FSTL1: variants seen among roughly 807,000 people sequenced by gnomAD.
FSTL1 encodes follistatin like 1, also known as follistatin-related protein 1.
In FSTL1, 24 loss-of-function variants were observed where a neutral mutation model predicts 45.9. The ratio of observed to expected loss-of-function variants is 0.52; its 90% CI spans 0.38 to 0.74. FSTL1 has a LOEUF of 0.74. FSTL1 is among the 30% of genes least tolerant of loss of function. The pLI is 0.00. For missense variants in FSTL1, 340 were observed against 381.8 expected (o/e 0.89, Z 0.91); for synonymous variants, 120 against 137.6 (o/e 0.87, Z 0.89).
rs1184020203 is a variant in FSTL1, at chr3:120,402,851, G to A, written c.762C>T (p.Val254=). Residue 254 remains valine (V), a synonymous_variant, in exon 9 of 11, where the codon GTC becomes GTT. Transcript: ENST00000295633. ...AETEVDCNRC[V]CACGNWVCTA... ...TACAGACCCAATTTCCACAGGCACA[G>A]ACACAGCGGTTACAGTCCACCTCGG... is the stretch of plus-strand genomic sequence containing the variant. 1.2e-6 allele frequency: 2 copies of A among 1,613,260 alleles called. No homozygotes were observed. The highest frequency in any genetic ancestry group is 1.7e-6 in the Non-Finnish European group (2 of 1,179,286).
intron 7 of FSTL1, among the ~76,000 whole-genome samples, chr3:120,403,879 C>CCA (rs1487487063): frequency 1.4e-5 from 2 of 140,212 alleles, no homozygotes; most frequent in African/African-American, 5.5e-5. Context: ...CGAGATCCCG[C>CCA]CACTGCACTC....
intron 2 of FSTL1, among the ~76,000 whole-genome samples, chr3:120,429,505 A>C (rs1937441391): frequency 6.6e-6 from 1 of 152,152 alleles, no homozygotes; most frequent in Non-Finnish European, 1.5e-5. Context: ...GGGATGGGAA[A>C]ATTTGTGGTT....
At chr3:120,431,223 G>A (rs56929137) in intron 2 of FSTL1, among the ~76,000 whole-genome samples, 8,689 of 152,098 alleles carry the variant, frequency 0.057, 282 homozygotes, top group Middle Eastern at 0.071. Context: ...CCACCACCTC[G>A]GTCTCCCAAA....
chr3:120,441,552 A>T (rs1284840536), intron 2 of FSTL1: 1 of 152,268 alleles, frequency 6.6e-6, no homozygotes, highest in Non-Finnish European at 1.5e-5. Flanking sequence ...TTCTCTTTAA[A>T]AAAGAAGGTG....
In FSTL1 at chr3:120,396,932, C is replaced by A. The variant is rs1339771962; in HGVS notation, c.*20G>T. On this transcript the variant is annotated 3_prime_UTR_variant, in exon 11 of 11. Coordinates refer to ENST00000295633, the MANE Select transcript of FSTL1 (RefSeq NM_007085.5). ...AGTGGAGAAGATGCTGGGATCCAGA[C>A]ACTGGTCTGTGCCTCCTCATTAGAT... The A allele has an allele frequency of 1.3e-6, 2 of 1,587,496 alleles. No individual in the cohort carries two copies. Among genetic ancestry groups the A allele is most frequent in the African/African-American group, 2.7e-5 (2 of 74,334 alleles).
At chr3:120,447,307 GAA>G (rs777473057) in intron 2 of FSTL1, among the ~76,000 whole-genome samples, 2 of 152,202 alleles carry the variant, frequency 1.3e-5, no homozygotes, top group African/African-American at 4.8e-5. Flanking sequence ...TCTCCCCAGA[GAA>G]TCTAGAAAAG....
At chr3:120,411,794 G>A (rs1223380906) in intron 4 of FSTL1, 60 bp downstream of exon 4, 2 of 1,508,200 alleles carry the variant, frequency 1.3e-6, no homozygotes, top group East Asian at 2.3e-5. Flanking sequence ...AGGCCACACT[G>A]CTCTGTTCCT....
chr3:120,426,846 G>A (rs1447122829), intron 2 of FSTL1, among the ~76,000 whole-genome samples: 10 of 152,054 alleles, frequency 6.6e-5, no homozygotes, highest in African/African-American at 2.2e-4. Flanking sequence ...ATGTAGCCTC[G>A]AGATCTGTGG....
intron 3 of FSTL1, among the ~76,000 whole-genome samples, chr3:120,414,695 A>G (rs889304481): frequency 6.6e-6 from 1 of 151,612 alleles, no homozygotes; most frequent in Admixed American, 6.6e-5. Flanking sequence ...CCTTACCCCC[A>G]ACCCTGTGCT....
Position 120,415,932 on chromosome 3 carries a change from G to C in FSTL1, c.159C>G (p.Leu53=). 6.2e-7 allele frequency: 1 copy of C among 1,607,998 alleles called. No individual in the cohort carries two copies. Among genetic ancestry groups the C allele is most frequent in the Non-Finnish European group, 8.5e-7 (1 of 1,174,428 alleles). Reference sequence around the variant, plus strand: ...CGACATCAGGACTTACCTCAATGCAGAGACAGGTGGGTTCCCCTTTCTCTG... The same window carrying C: ...CGACATCAGGACTTACCTCAATGCACAGACAGGTGGGTTCCCCTTTCTCTG... ...AVTEKGEPTC[L]CIEQCKPHKR... The change falls in exon 3 of 11, where the codon CTC becomes CTG. Residue 53 remains leucine, a synonymous_variant. Coordinates refer to ENST00000295633, the MANE Select transcript of FSTL1 (RefSeq NM_007085.5).
At chr3:120,404,417 C>A (rs573877708) in intron 7 of FSTL1, among the ~76,000 whole-genome samples, 1 of 152,074 alleles carries the variant, frequency 6.6e-6, no homozygotes, top group East Asian at 1.9e-4. Flanking sequence ...TAAAAGTAGA[C>A]GGGCATATAT....
rs189184922 is a variant in FSTL1, at chr3:120,426,618, C to A, written c.64-10591G>T. Among the ~76,000 whole-genome samples, 65 of 152,228 alleles carry A rather than the reference C, an allele frequency of 4.3e-4. 2 individuals are homozygous for A. The highest frequency in any genetic ancestry group is 2.3e-3 in the Admixed American group (35 of 15,292). On this transcript the variant is annotated intron_variant, in intron 2 of 10. Coordinates refer to ENST00000295633, the MANE Select transcript of FSTL1 (RefSeq NM_007085.5). ...GCTTCCCTGAGCTGGAACAGTACCC[C>A]CATCACTTCTGTGGCTGCTTTCCAT... is the stretch of plus-strand genomic sequence containing the variant.
chr3:120,426,962 A>G (rs1190456662), intron 2 of FSTL1, among the ~76,000 whole-genome samples: 2 of 152,182 alleles, frequency 1.3e-5, no homozygotes. Context: ...TTAAGCTGTA[A>G]GTGGACTAAA....
At chr3:120,401,635 T>G (rs1936828906) in intron 9 of FSTL1, among the ~76,000 whole-genome samples, 1 of 152,166 alleles carries the variant, frequency 6.6e-6, no homozygotes, top group South Asian at 2.1e-4. Context: ...CAGGCTAGAA[T>G]GCAGTGGCGT....
intron 2 of FSTL1, among the ~76,000 whole-genome samples, chr3:120,447,937 C>T (rs1183117965): frequency 6.6e-6 from 1 of 152,194 alleles, no homozygotes; most frequent in African/African-American, 2.4e-5. Flanking sequence ...AGGCATGAGC[C>T]ACTGAGCCCA....
chr3:120,421,396 G>A (rs542556968), intron 2 of FSTL1: 2 of 152,310 alleles, frequency 1.3e-5, no homozygotes, highest in South Asian at 4.1e-4. Flanking sequence ...AACTTCACAG[G>A]AACACCAGGG....
chr3:120,408,608 G>C (rs1305317514), intron 6 of FSTL1, among the ~76,000 whole-genome samples: 1 of 152,172 alleles, frequency 6.6e-6, no homozygotes, highest in African/African-American at 2.4e-5. Flanking sequence ...AGCATGTGAG[G>C]GAGTAGATGG....
intron 2 of FSTL1, among the ~76,000 whole-genome samples, chr3:120,435,129 G>A (rs1222754572): frequency 6.6e-6 from 1 of 152,094 alleles, no homozygotes; most frequent in Non-Finnish European, 1.5e-5. Flanking sequence ...TGAGGCACGA[G>A]AATTGCTTTA....
chr3:120,399,515 G>A (rs923817246), intron 10 of FSTL1, among the ~76,000 whole-genome samples: 4 of 152,208 alleles, frequency 2.6e-5, no homozygotes, highest in African/African-American at 9.6e-5. Flanking sequence ...TACAGAGCCT[G>A]CTTTCAGGAG....
Sources: allele counts gnomAD v4.1 joint callset (sites outside exome capture counted in the v4.1 genomes callset), GRCh38; gene constraint gnomAD v4.1.1; transcripts MANE v1.5; gene names NCBI Gene and HGNC (gene_info 2026-07-23, HGNC 2026-07-21).